Variants in TMED9 observed in about 807,000 individuals in gnomAD.
TMED9 encodes transmembrane p24 trafficking protein 9, also known as transmembrane emp24 domain-containing protein 9.
In TMED9, 22 loss-of-function variants were observed where a neutral mutation model predicts 30.6. The observed-to-expected ratio is 0.72, with a 90% CI of 0.51 to 1.03. The LOEUF (loss-of-function observed/expected upper bound fraction) is 1.03. Among genes scored for constraint, TMED9 ranks in the 50% least tolerant of loss-of-function variants. The probability of loss-of-function intolerance (pLI) is 0.00; values close to 1 mark genes in which losing one functional copy is unlikely to be tolerated. For synonymous variants in TMED9, 146 were observed against 122.8 expected (o/e 1.19, Z -1.25); for missense variants, 251 against 302.1 (o/e 0.83, Z 1.25).
chr5:177,593,948 C>T (rs1247191968), intron 3 of TMED9, 173 bp downstream of exon 3: 11 of 1,179,930 alleles, frequency 9.3e-6, no homozygotes, highest in South Asian at 5.8e-5. Context: ...GTACATGCCT[C>T]ACTCAGAGCA....
chr5:177,594,890 C>T (rs1031440147), intron 4 of TMED9, among the ~76,000 whole-genome samples: 2 of 152,218 alleles, frequency 1.3e-5, no homozygotes, highest in African/African-American at 2.4e-5. Context: ...ATCCAGCCCC[C>T]AGCCTGCCAG....
intron 2 of TMED9, 173 bp from the exon 3 acceptor site, chr5:177,593,477 A>G (rs771146516): frequency 4.6e-5 from 35 of 756,246 alleles, no homozygotes; most frequent in Non-Finnish European, 7.1e-5. Context: ...TGCCCCAGAG[A>G]GTTCTCACAC....
In TMED9 at chr5:177,595,212, A is replaced by C. The variant is rs139864777; in HGVS notation, c.559-55A>C. 1.6e-4 allele frequency: 240 copies of C among 1,464,610 alleles called. 1 individual carries two copies. Among genetic ancestry groups the C allele is most frequent in the Middle Eastern group, 7.4e-4 (3 of 4,046 alleles). 90.7% of individuals were successfully genotyped at this position (1,464,610 alleles called of 1,614,324 possible). A position where few individuals can be genotyped will look rare whatever the true frequency, so the allele number is the denominator to read the frequency against. ...CCTTGGGCATCCTCTTGGTCTGGGA[A>C]TCAGCAGTTCTAGCAGCCCCAGCCA... On this transcript the variant is annotated intron_variant, in intron 4 of 4. Coordinates refer to ENST00000332598, the MANE Select transcript of TMED9 (RefSeq NM_017510.6).
At position 177,595,058 on chromosome 5, in the gene TMED9, T is replaced by C. The variant is rs78754301; in HGVS notation, c.559-209T>C. Among the ~76,000 whole-genome samples, 62 of 152,238 alleles carry C rather than the reference T, an allele frequency of 4.1e-4. 2 individuals are homozygous for C. The East Asian group carries it at 0.012, about 29-fold the overall frequency. On this transcript the variant is annotated intron_variant, in intron 4 of 4. Transcript: ENST00000332598. ...TCCCAGGCACCAGGGCAGGACTAGGTGAGGGCTATGCCTGACAGATGAAGA... is the reference window on the plus strand; with the variant it reads ...TCCCAGGCACCAGGGCAGGACTAGGCGAGGGCTATGCCTGACAGATGAAGA...
chr5:177,592,773 AGT>A, intron 2 of TMED9, 98 bp downstream of exon 2: 1 of 863,408 alleles, frequency 1.2e-6, no homozygotes, highest in Admixed American at 2.5e-5. Flanking sequence ...TGGGAGAGAC[AGT>A]TGATGTTGTG....
In TMED9 at chr5:177,592,258, G is replaced by A. The variant is rs1490501432; in HGVS notation, c.44G>A (p.Gly15Glu). ...GTGCTGCTCGTCCGGCCCCGGCCCG[G>A]AACCGGGCTGGGTAGAGTGATGCGG... ...LGVLLVRPRP[G>E]TGLGRVMRTL... Residue 15 changes from glycine to glutamate, a missense_variant, in exon 1 of 5, where the codon GGA becomes GAA. Physicochemically the swap from Gly to Glu is moderately conservative, Grantham distance 98. Transcript: ENST00000332598. 1 of 1,611,600 alleles carries A rather than the reference G, an allele frequency of 6.2e-7. No homozygotes were observed. Among genetic ancestry groups the A allele is most frequent in the Admixed American group, 1.7e-5 (1 of 59,802 alleles).
intron 4 of TMED9, among the ~76,000 whole-genome samples, chr5:177,594,517 T>C (rs1767649642): frequency 6.6e-6 from 1 of 152,232 alleles, no homozygotes; most frequent in Admixed American, 6.5e-5. Context: ...TAGCATTTGA[T>C]ACCAACACCT....
At position 177,592,252 on chromosome 5, in the gene TMED9, G is replaced by C. The variant is rs780535578; in HGVS notation, c.38G>C (p.Arg13Pro). 1 of 1,611,122 alleles carries C rather than the reference G, an allele frequency of 6.2e-7. No individual in the cohort carries two copies. The highest frequency in any genetic ancestry group is 2.2e-5 in the East Asian group (1 of 44,714). The change falls in exon 1 of 5, where the codon CGG becomes CCG. Residue 13 changes from arginine to proline, a missense_variant. Transcript: ENST00000332598. The stretch of plus-strand genomic sequence containing the variant: ...CTGGGCGTGCTGCTCGTCCGGCCCC[G>C]GCCCGGAACCGGGCTGGGTAGAGTG... ...VELGVLLVRP[R>P]PGTGLGRVMR...
chr5:177,592,529 G>T, intron 1 of TMED9, 46 bp from the exon 2 acceptor site: 1 of 1,581,810 alleles, frequency 6.3e-7, no homozygotes, highest in South Asian at 1.1e-5. Flanking sequence ...CGGAACCCAT[G>T]CCACCTCGCG....
rs116713032 is a variant in TMED9 at position 177,594,101 on chromosome 5, G to A, written c.412-38G>A. On this transcript the variant is annotated intron_variant, in intron 3 of 4. Coordinates refer to ENST00000332598, the MANE Select transcript of TMED9 (RefSeq NM_017510.6). ...GTCTCTGGCAGGAAGATGGAGCAGG[G>A]CTACCAGATTTCCCTTATCTCCTTT... 2.2e-3 allele frequency: 3,620 copies of A among 1,612,146 alleles called. 73 individuals carry two copies. In the African/African-American group the frequency reaches 0.04, roughly 18 times the overall value.
Position 177,595,453 on chromosome 5 carries a change from G to A in TMED9, c.*37G>A, listed in dbSNP as rs773398674. The A allele has an allele frequency of 1.3e-6, 2 of 1,575,946 alleles. No homozygotes were observed. Among genetic ancestry groups the A allele is most frequent in the Admixed American group, 1.7e-5 (1 of 57,410 alleles). The stretch of plus-strand genomic sequence containing the variant: ...GTCACAACCCATCCTCCCAGGCTGG[G>A]GGAGAAAGGACCTCCTGGAACTGAC... On this transcript the variant is annotated 3_prime_UTR_variant, in exon 5 of 5. Transcript: ENST00000332598.
chr5:177,595,188 CT>C, intron 4 of TMED9, 78 bp from the exon 5 acceptor site: 1 of 1,444,092 alleles, frequency 6.9e-7, no homozygotes, highest in Non-Finnish European at 9.2e-7. Context: ...GCTGGCTGAC[CT>C]TGGGCATCCT....
In TMED9 at chr5:177,597,019, G is replaced by C. The variant is rs140678683; in HGVS notation, c.*1603G>C. On this transcript the variant is annotated 3_prime_UTR_variant, in exon 5 of 5. Coordinates refer to ENST00000332598, the MANE Select transcript of TMED9 (RefSeq NM_017510.6). ...TGAGGGAGGTTACAGCAGTGTGTGA[G>C]AAAGACCAGGAAGAAGGAGACAAGT... is the stretch of plus-strand genomic sequence containing the variant. 1.5e-3 allele frequency among the ~76,000 whole-genome samples: 230 copies of C among 152,228 alleles called. No homozygotes were observed. Among genetic ancestry groups the C allele is most frequent in the African/African-American group, 5.2e-3 (217 of 41,534 alleles).
intron 3 of TMED9, 91 bp from the exon 4 acceptor site, chr5:177,594,048 A>C (rs1767640071): frequency 6.5e-7 from 1 of 1,543,884 alleles, no homozygotes; most frequent in Admixed American, 1.7e-5. Flanking sequence ...AAATGAACAG[A>C]TGAAGGAAAG....
In TMED9 at chr5:177,595,183, C is replaced by T. The variant is rs147493041; in HGVS notation, c.559-84C>T. 3.6e-5 allele frequency: 52 copies of T among 1,431,216 alleles called. No individual in the cohort carries two copies. In the African/African-American group the frequency reaches 7.1e-4, roughly 19 times the overall value. 88.7% of individuals were successfully genotyped at this position (1,431,216 alleles called of 1,614,324 possible). A position where few individuals can be genotyped will look rare whatever the true frequency, so the allele number is the denominator to read the frequency against. On this transcript the variant is annotated intron_variant, in intron 4 of 4. Transcript: ENST00000332598. ...TTGGCTGGAACCTGGGCAAAGCTGG[C>T]TGACCTTGGGCATCCTCTTGGTCTG...
intron 2 of TMED9, 145 bp downstream of exon 2, chr5:177,592,820 C>T (rs1459361068): frequency 3.1e-6 from 2 of 636,412 alleles, no homozygotes; most frequent in South Asian, 2.0e-5. Flanking sequence ...CCCGCCCGGT[C>T]TGTGAAATGG....
intron 4 of TMED9, among the ~76,000 whole-genome samples, chr5:177,594,916 C>T (rs1380437035): frequency 6.6e-6 from 1 of 152,210 alleles, no homozygotes; most frequent in Non-Finnish European, 1.5e-5. Flanking sequence ...AGCCTGTGCC[C>T]ACCATCTTCA....
chr5:177,592,571 C>T lies in TMED9; in HGVS notation c.185-4C>T. ...TGACCTGGGCTCGCCCTGCTTCCCT[C>T]AAGGAAACTACCGGACGCAGCTGTA... On this transcript the variant is annotated splice_polypyrimidine_tract_variant and splice_region_variant and intron_variant, in intron 1 of 4. Coordinates refer to ENST00000332598, the MANE Select transcript of TMED9 (RefSeq NM_017510.6). The T allele has an allele frequency of 6.2e-7, 1 of 1,612,206 alleles. No homozygotes were observed. Among genetic ancestry groups the T allele is most frequent in the Non-Finnish European group, 8.5e-7 (1 of 1,179,170 alleles).
At chr5:177,594,070 C>G in intron 3 of TMED9, 69 bp from the exon 4 acceptor site, 1 of 1,589,128 alleles carries the variant, frequency 6.3e-7, no homozygotes, top group Non-Finnish European at 8.6e-7. Flanking sequence ...CGGGGATGAG[C>G]TGTCAGTCTC....
Sources: gnomAD v4.1 joint callset for allele counts (sites outside exome capture counted in the v4.1 genomes callset) on GRCh38, gnomAD v4.1.1 for gene constraint, MANE v1.5 for transcripts, NCBI Gene and HGNC (gene_info 2026-07-23, HGNC 2026-07-21) for gene names.